Variants in STARD8 observed in about 807,000 individuals in gnomAD.
STARD8 encodes the protein stAR-related lipid transfer protein 8.
STARD8 carries 25 observed loss-of-function variants against 69.4 expected under a neutral mutation model. The observed-to-expected ratio is 0.36, with a 90% CI of 0.26 to 0.50. The LOEUF is 0.50. STARD8 is among the 20% of genes least tolerant of loss of function. STARD8 has a pLI of 0.96. For synonymous variants in STARD8, 389 were observed against 374.6 expected (o/e 1.04, Z -0.45); for missense variants, 921 against 932.5 (o/e 0.99, Z 0.16).
intron 2 of STARD8, among the ~76,000 whole-genome samples, chrX:68,675,698 C>T (rs183835666): frequency 0.01 from 1,131 of 111,176 alleles, 25 homozygotes; most frequent in Admixed American, 0.08. Flanking sequence ...CTAGCTCCAG[C>T]TCCACCTCCA....
chrX:68,705,748 C>G (rs1249897845), intron 2 of STARD8, among the ~76,000 whole-genome samples: 1 of 112,440 alleles, frequency 8.9e-6, no homozygotes, highest in Non-Finnish European at 1.9e-5. Context: ...TAGCAACATC[C>G]CTGGCCTCTA....
chrX:68,688,815 C>T (rs1271371895), intron 2 of STARD8, among the ~76,000 whole-genome samples: 1 of 103,425 alleles, frequency 9.7e-6, no homozygotes, highest in Non-Finnish European at 2.0e-5. Context: ...AGGTACCCCC[C>T]ATCCTCAGAG....
At chrX:68,671,196 C>T (rs1351903912) in intron 2 of STARD8, among the ~76,000 whole-genome samples, 3 of 112,485 alleles carry the variant, frequency 2.7e-5, no homozygotes, top group Non-Finnish European at 5.6e-5. Flanking sequence ...GCTTCCTTTC[C>T]CACCTCGTTC....
rs772007916 is a variant in STARD8 at position 68,695,821 on chromosome X, G to A, written c.80-17093G>A. Reference sequence around the variant, plus strand: ...TTATTGGGACTACAGATTGGAGAGGGAGCAGAAGACCCCTGTGTCTAGGTT... The same window carrying A: ...TTATTGGGACTACAGATTGGAGAGGAAGCAGAAGACCCCTGTGTCTAGGTT... On this transcript the variant is annotated intron_variant, in intron 2 of 14. Transcript: ENST00000374599. Among the ~76,000 whole-genome samples, 4 of 111,973 alleles carry A rather than the reference G, an allele frequency of 3.6e-5. No individual in the cohort carries two copies. The South Asian group carries it at 1.5e-3, about 42-fold the overall frequency.
In STARD8 at chrX:68,684,662, C is replaced by T. The variant is rs189372755; in HGVS notation, c.79+19130C>T. Among the ~76,000 whole-genome samples the T allele has an allele frequency of 7.8e-3, 877 of 112,970 alleles. 6 individuals are homozygous for T. The highest frequency in any genetic ancestry group is 0.013 in the Non-Finnish European group (694 of 53,341). On this transcript the variant is annotated intron_variant, in intron 2 of 14. Transcript: ENST00000374599. The stretch of plus-strand genomic sequence containing the variant: ...GAAAGCTGGGCCCAGAGAGGGGCAT[C>T]CCAGTGGCTGTTTGTCCTGCCTGGG...
At chrX:68,661,923 TTCCTTCCC>T (rs1436413503) in intron 1 of STARD8, among the ~76,000 whole-genome samples, 4 of 92,910 alleles carry the variant, frequency 4.3e-5, no homozygotes, top group Non-Finnish European at 8.5e-5. Flanking sequence ...CCTTCCTTCC[TTCCTTCCC>T]TCCCTCCCTC....
chrX:68,711,618 C>T (rs867496628), intron 2 of STARD8, among the ~76,000 whole-genome samples: 14 of 112,103 alleles, frequency 1.2e-4, no homozygotes, highest in Admixed American at 2.8e-4. Context: ...TGACTTCCCC[C>T]ACTCTTCCCT....
chrX:68,691,871 T>A (rs1440140866), intron 2 of STARD8, among the ~76,000 whole-genome samples: 2 of 112,568 alleles, frequency 1.8e-5, no homozygotes, highest in African/African-American at 6.5e-5. Flanking sequence ...GTCATATGAT[T>A]GTCATTTATT....
intron 1 of STARD8, among the ~76,000 whole-genome samples, chrX:68,657,778 G>T (rs2079619928): frequency 9.1e-6 from 1 of 109,811 alleles, no homozygotes; most frequent in Non-Finnish European, 1.9e-5. Flanking sequence ...CAGCACAACT[G>T]GTGTGATTTA....
At position 68,664,117 on chromosome X, in the gene STARD8, A is replaced by G. The variant is rs1024121737; in HGVS notation, c.46-1382A>G. Among the ~76,000 whole-genome samples, 5 of 111,617 alleles carry G rather than the reference A, an allele frequency of 4.5e-5. No individual in the cohort carries two copies. In the Admixed American group the frequency reaches 4.7e-4, roughly 11 times the overall value. ...GAGATAGACACATACTATGGCAACT[A>G]TTTTCCTGATAACCACTTGGTTGGT... is the stretch of plus-strand genomic sequence containing the variant. On this transcript the variant is annotated intron_variant, in intron 1 of 14. Coordinates refer to ENST00000374599, the MANE Select transcript of STARD8 (RefSeq NM_001142503.3).
Position 68,670,739 on chromosome X carries a change from T to A in STARD8, c.79+5207T>A, listed in dbSNP as rs72627701. Among the ~76,000 whole-genome samples, 3 of 111,154 alleles carry A rather than the reference T, an allele frequency of 2.7e-5. No homozygotes were observed. In the East Asian group the frequency reaches 8.5e-4, roughly 31 times the overall value. ...TCAAACTCAACACTAAAGATCATAA[T>A]TCTTTATCATTTCTCTGGAAACCTC... On this transcript the variant is annotated intron_variant, in intron 2 of 14. Transcript: ENST00000374599.
intron 2 of STARD8, among the ~76,000 whole-genome samples, chrX:68,691,089 G>A (rs2079873556): frequency 9.0e-6 from 1 of 111,320 alleles, no homozygotes; most frequent in Admixed American, 9.6e-5. Flanking sequence ...AATGAGGAAA[G>A]CCCCATGCCT....
At position 68,722,079 on chromosome X, in the gene STARD8, C is replaced by G. The variant is rs754257718; in HGVS notation, c.2492C>G (p.Pro831Arg). Residue 831 changes from proline to arginine, a missense_variant, in exon 11 of 15, where the codon CCA becomes CGA. Coordinates refer to ENST00000374599, the MANE Select transcript of STARD8 (RefSeq NM_001142503.3). ...AGCAAACGCAGCCTCATTGGCAGGC[C>G]AGGCCCTAGGGACCTGAGTGACAAC... ...IKSKRSLIGR[P>R]GPRDLSDNMA... 36 of 1,203,407 alleles carry G rather than the reference C, an allele frequency of 3.0e-5. No individual in the cohort carries two copies. Among genetic ancestry groups the G allele is most frequent in the Non-Finnish European group, 4.0e-5 (36 of 890,155 alleles).
At chrX:68,701,294 C>G (rs113457512) in intron 2 of STARD8, among the ~76,000 whole-genome samples, 1 of 112,959 alleles carries the variant, frequency 8.9e-6, no homozygotes, top group Admixed American at 9.3e-5. Context: ...CTTTGTCTCT[C>G]TTTTATTTAA....
chrX:68,656,923 G>A (rs1029533646), intron 1 of STARD8, among the ~76,000 whole-genome samples: 1 of 111,120 alleles, frequency 9.0e-6, no homozygotes, highest in Non-Finnish European at 1.9e-5. Flanking sequence ...GAGTTAATGG[G>A]TGCAGCACAC....
At chrX:68,677,179 G>A (rs888771434) in intron 2 of STARD8, among the ~76,000 whole-genome samples, 1 of 111,030 alleles carries the variant, frequency 9.0e-6, no homozygotes, top group Non-Finnish European at 1.9e-5. Context: ...TGAACAGAGC[G>A]TTGGCTCTGG....
chrX:68,716,531 G>C (rs1370300692), intron 5 of STARD8, 100 bp downstream of exon 5: 5 of 838,545 alleles, frequency 6.0e-6, no homozygotes, highest in Non-Finnish European at 8.6e-6. Context: ...TATCCCAGGA[G>C]TCTGAGATGT....
Position 68,722,077 on chromosome X carries a change from G to A in STARD8, c.2490G>A (p.Arg830=), listed in dbSNP as rs767184468. 3.2e-5 allele frequency: 38 copies of A among 1,202,417 alleles called. No individual in the cohort carries two copies. Among genetic ancestry groups the A allele is most frequent in the Non-Finnish European group, 4.2e-5 (37 of 889,402 alleles). Residue 830 remains arginine, a synonymous_variant, in exon 11 of 15, where the codon AGG becomes AGA. Transcript: ENST00000374599. ...RIKSKRSLIG[R]PGPRDLSDNM... ...AGAGCAAACGCAGCCTCATTGGCAG[G>A]CCAGGCCCTAGGGACCTGAGTGACA... is the stretch of plus-strand genomic sequence containing the variant.
chrX:68,658,011 G>A (rs774859907), intron 1 of STARD8, among the ~76,000 whole-genome samples: 23 of 110,825 alleles, frequency 2.1e-4, no homozygotes, highest in Non-Finnish European at 3.6e-4. Context: ...CTATGGTGGA[G>A]GTTGGGGGAG....
Sources: gnomAD v4.1 joint callset for allele counts (sites outside exome capture counted in the v4.1 genomes callset) on GRCh38, gnomAD v4.1.1 for gene constraint, MANE v1.5 for transcripts, NCBI Gene and HGNC (gene_info 2026-07-23, HGNC 2026-07-21) for gene names.